The following CDH4 variants were observed in gnomAD, a reference collection of about 807,000 sequenced individuals.
CDH4 encodes cadherin-4.
Under a neutral mutation model 86.0 loss-of-function variants are expected in CDH4, and 33 were observed. The ratio of observed to expected loss-of-function variants is 0.38; its 90% CI spans 0.29 to 0.51. The LOEUF (loss-of-function observed/expected upper bound fraction) is 0.51. Ranked by LOEUF, CDH4 falls within the 20% of genes least tolerant of loss-of-function variation. The pLI is 0.86. For missense variants in CDH4, 1,114 were observed against 1,307.4 expected (o/e 0.85, Z 2.28); for synonymous variants, 555 against 549.4 (o/e 1.01, Z -0.14).
intron 4 of CDH4, among the ~76,000 whole-genome samples, chr20:61,789,739 A>G (rs1979070664): frequency 6.6e-6 from 1 of 152,250 alleles, no homozygotes; most frequent in African/African-American, 2.4e-5. Context: ...CTGCAAGCAC[A>G]GCGTTTCCCA....
At chr20:61,538,621 G>C (rs2086015948) in intron 2 of CDH4, among the ~76,000 whole-genome samples, 1 of 152,162 alleles carries the variant, frequency 6.6e-6, no homozygotes, top group Non-Finnish European at 1.5e-5. Flanking sequence ...GGTACCTCCT[G>C]CCCCTCGTGC....
intron 2 of CDH4, among the ~76,000 whole-genome samples, chr20:61,444,783 GT>G (rs2145538618): frequency 6.7e-6 from 1 of 148,606 alleles, no homozygotes; most frequent in Non-Finnish European, 1.5e-5. Flanking sequence ...GCATGTGTGT[GT>G]TTTTGTGTAT....
chr20:61,472,200 T>C (rs544530739), intron 2 of CDH4, among the ~76,000 whole-genome samples: 1 of 152,344 alleles, frequency 6.6e-6, no homozygotes, highest in African/African-American at 2.4e-5. Context: ...TGGGCGCATA[T>C]GTATTTATAA....
intron 2 of CDH4, among the ~76,000 whole-genome samples, chr20:61,453,029 A>G (rs1457666340): frequency 6.6e-6 from 1 of 152,236 alleles, no homozygotes; most frequent in East Asian, 1.9e-4. Flanking sequence ...GCAGTATAGA[A>G]AAAGCTTCTA....
chr20:61,502,818 C>T (rs966300410), intron 2 of CDH4, among the ~76,000 whole-genome samples: 1 of 152,172 alleles, frequency 6.6e-6, no homozygotes, highest in African/African-American at 2.4e-5. Flanking sequence ...TACTGGGGCT[C>T]CTGAATTGGA....
At chr20:61,298,290 T>A (rs1568787508) in intron 2 of CDH4, among the ~76,000 whole-genome samples, 3 of 152,138 alleles carry the variant, frequency 2.0e-5, no homozygotes, top group South Asian at 4.2e-4. Flanking sequence ...TCAATTAAAT[T>A]GAGTGTGTGT....
chr20:61,618,527 C>G (rs2086744130), intron 2 of CDH4, among the ~76,000 whole-genome samples: 1 of 152,180 alleles, frequency 6.6e-6, no homozygotes, highest in Non-Finnish European at 1.5e-5. Flanking sequence ...GTGTTGCTGC[C>G]TGGGAATGGG....
intron 2 of CDH4, among the ~76,000 whole-genome samples, chr20:61,726,264 A>G (rs948855889): frequency 2.0e-5 from 3 of 152,160 alleles, no homozygotes; most frequent in African/African-American, 7.2e-5. Context: ...CATTGGCACC[A>G]GCACAGGCCA....
chr20:61,556,131 G>C lies in CDH4; in HGVS notation c.170-187432G>C, dbSNP rs73914846. On this transcript the variant is annotated intron_variant, in intron 2 of 15. Coordinates refer to ENST00000614565, the MANE Select transcript of CDH4 (RefSeq NM_001794.5). ...AGAGCAGCCGTGACCACAGAAGTTT[G>C]CCAGGGATGCCTTGAACTTCAGCAA... 2.5e-3 allele frequency among the ~76,000 whole-genome samples: 383 copies of C among 152,312 alleles called. 2 individuals carry two copies. Among genetic ancestry groups the C allele is most frequent in the African/African-American group, 8.7e-3 (363 of 41,574 alleles).
At chr20:61,467,517 G>A (rs1330224136) in intron 2 of CDH4, among the ~76,000 whole-genome samples, 1 of 152,178 alleles carries the variant, frequency 6.6e-6, no homozygotes, top group Non-Finnish European at 1.5e-5. Flanking sequence ...AGCACTTTGG[G>A]AGGCCAAGGC....
chr20:61,904,601 T>A (rs1228080582), intron 8 of CDH4, among the ~76,000 whole-genome samples: 1 of 152,112 alleles, frequency 6.6e-6, no homozygotes, highest in African/African-American at 2.4e-5. Flanking sequence ...CTGTACCAGG[T>A]GCTGCACCGA....
intron 2 of CDH4, among the ~76,000 whole-genome samples, chr20:61,538,485 C>T (rs1397441347): frequency 6.6e-6 from 1 of 152,196 alleles, no homozygotes; most frequent in Non-Finnish European, 1.5e-5. Flanking sequence ...TGACCTCATC[C>T]TTCCCTCCTC....
intron 3 of CDH4, among the ~76,000 whole-genome samples, chr20:61,765,230 TC>T (rs1281520106): frequency 6.6e-6 from 1 of 151,474 alleles, no homozygotes; most frequent in East Asian, 1.9e-4. Flanking sequence ...CTCGGAGGGG[TC>T]CCGAGGATGG....
At position 61,929,751 on chromosome 20, in the gene CDH4, C is replaced by A. The variant is rs149231472; in HGVS notation, c.2148C>A (p.Asn716Lys). ...TCAAGGTGTGCCCATGTGATGACAA[C>A]GGGGACTGCACCACCATTGGCGCAG... The part of the protein sequence containing the change: ...IKVKVCPCDD[N>K]GDCTTIGAVA... Residue 716 changes from asparagine (N) to lysine (K), a missense_variant, in exon 13 of 16, where the codon AAC (asparagine) becomes AAA (lysine). This residue lies in a region of CDH4 where 705 missense variants were observed against 914.1 expected (regional missense o/e 0.77). Coordinates refer to ENST00000614565, the MANE Select transcript of CDH4 (RefSeq NM_001794.5). The A allele has an allele frequency of 6.2e-7, 1 of 1,614,176 alleles. No individual in the cohort carries two copies. The highest frequency in any genetic ancestry group is 8.5e-7 in the Non-Finnish European group (1 of 1,180,036).
intron 2 of CDH4, among the ~76,000 whole-genome samples, chr20:61,492,993 G>C (rs1193802225): frequency 6.6e-6 from 1 of 152,194 alleles, no homozygotes; most frequent in African/African-American, 2.4e-5. Context: ...CTGTCAGCCT[G>C]GGATGGTCAA....
chr20:61,554,882 T>TCG lies in CDH4; in HGVS notation c.170-188680_170-188679insGC, dbSNP rs1208055052. 7.7e-5 allele frequency among the ~76,000 whole-genome samples: 10 copies of TCG among 129,140 alleles called. 1 individual carries two copies. Among genetic ancestry groups the TCG allele is most frequent in the Admixed American group, 6.8e-4 (9 of 13,198 alleles). The allele number at this position is 129,140 out of a possible 152,430, so 84.7% of individuals were successfully genotyped here. A position where few individuals can be genotyped will look rare whatever the true frequency, so the allele number is the denominator to read the frequency against. On this transcript the variant is annotated intron_variant, in intron 2 of 15. Transcript: ENST00000614565. ...CGCATGTTTGTGTGTCTGAGTAAGC[T>TCG]CACGTTTTACATGTATGTGTGCAGA... is the stretch of plus-strand genomic sequence containing the variant.
intron 2 of CDH4, among the ~76,000 whole-genome samples, chr20:61,361,326 T>G (rs999735421): frequency 1.2e-4 from 19 of 152,272 alleles, no homozygotes; most frequent in African/African-American, 4.6e-4. Flanking sequence ...GAGGAGGTAT[T>G]ATTTCTTAGC....
intron 2 of CDH4, among the ~76,000 whole-genome samples, chr20:61,672,241 G>A (rs565296547): frequency 1.1e-3 from 164 of 151,732 alleles, no homozygotes; most frequent in South Asian, 1.9e-3. Context: ...ATGGATGATC[G>A]TATCGGTAGA....
intron 7 of CDH4, among the ~76,000 whole-genome samples, chr20:61,888,959 T>C (rs1984666780): frequency 2.0e-5 from 3 of 152,204 alleles, no homozygotes; most frequent in African/African-American, 7.2e-5. Flanking sequence ...GTCACTGAAA[T>C]AGTGAACAGG....
Sources: gnomAD v4.1 joint callset for allele counts (sites outside exome capture counted in the v4.1 genomes callset) on GRCh38, gnomAD v4.1.1 for gene constraint, gnomAD v4.1.1 regional missense constraint, MANE v1.5 for transcripts, NCBI Gene and HGNC (gene_info 2026-07-23, HGNC 2026-07-21) for gene names.